CACNA1C: variants seen among roughly 807,000 people sequenced by gnomAD.
The protein encoded by CACNA1C is calcium voltage-gated channel subunit alpha1 C.
In CACNA1C, 30 loss-of-function variants were observed where a neutral mutation model predicts 229.0. The observed-to-expected ratio is 0.13, with a 90% CI of 0.10 to 0.18. The LOEUF is 0.18. Among genes scored for constraint, CACNA1C ranks in the 10% least tolerant of loss-of-function variants. The pLI is 1.00. For missense variants in CACNA1C, 1,658 were observed against 2,845.0 expected, an observed-to-expected ratio of 0.58 and a Z score of 9.49; for synonymous variants, 1,114 against 1,132.5, an observed-to-expected ratio of 0.98 and a Z score of 0.33.
chr12:2,525,208 G>A lies in CACNA1C; in HGVS notation c.1390+12224G>A, dbSNP rs184954952. Among the ~76,000 whole-genome samples, 152 of 152,218 alleles carry A rather than the reference G, an allele frequency of 1.0e-3. 1 individual carries two copies. The highest frequency in any genetic ancestry group is 2.1e-4 in the Non-Finnish European group (14 of 68,010). On this transcript the variant is annotated intron_variant, in intron 9 of 46. Transcript: ENST00000399655. Reference sequence around the variant, plus strand: ...GATGACAAGGTACCAGTTTACCATCGAAAGGTCACTGTGCAGCCGAGTGTG... The same window carrying A: ...GATGACAAGGTACCAGTTTACCATCAAAAGGTCACTGTGCAGCCGAGTGTG...
rs1320412731 is a variant in CACNA1C at position 2,354,448 on chromosome 12, G to A, written c.478-94528G>A. On this transcript the variant is annotated intron_variant, in intron 3 of 46. Transcript: ENST00000399655. This position sits in a 1 kb window ranked among gnomAD's most constrained non-coding sequence, Gnocchi z 4.6. ...AGGGCTGCAGCTATGACTGCAGCCT[G>A]TAGGGAAACGCCGGGAGGAACAGGA... Among the ~76,000 whole-genome samples the A allele has an allele frequency of 6.6e-6, 1 of 152,210 alleles. No individual in the cohort carries two copies. The highest frequency in any genetic ancestry group is 1.5e-5 in the Non-Finnish European group (1 of 68,040).
intron 1 of CACNA1C, among the ~76,000 whole-genome samples, chr12:1,979,737 C>G (rs2035567355): frequency 6.6e-6 from 1 of 152,226 alleles, no homozygotes; most frequent in African/African-American, 2.4e-5. Flanking sequence ...CTTTCACAAG[C>G]AATGTATCAA....
intron 1 of CACNA1C, among the ~76,000 whole-genome samples, chr12:2,088,052 G>A (rs553610858): frequency 9.2e-5 from 14 of 152,324 alleles, no homozygotes; most frequent in African/African-American, 3.4e-4. Flanking sequence ...TCTATTAAGT[G>A]GGAATGGGAA....
chr12:2,096,170 C>A (rs920945616), intron 1 of CACNA1C, among the ~76,000 whole-genome samples: 1 of 152,152 alleles, frequency 6.6e-6, no homozygotes, highest in Non-Finnish European at 1.5e-5. Context: ...AGGTCCGATG[C>A]CTGATTTTTA....
chr12:2,044,072 T>A (rs964805853), intron 1 of CACNA1C, among the ~76,000 whole-genome samples: 1 of 152,164 alleles, frequency 6.6e-6, no homozygotes, highest in Non-Finnish European at 1.5e-5. Flanking sequence ...AATAAAATAA[T>A]GGGGTTATAT....
At chr12:2,433,634 T>C (rs2099107837) in intron 3 of CACNA1C, among the ~76,000 whole-genome samples, 2 of 151,844 alleles carry the variant, frequency 1.3e-5, no homozygotes, top group South Asian at 4.2e-4. Flanking sequence ...AGATGTGCTC[T>C]AACTCTCTGA....
intron 30 of CACNA1C, among the ~76,000 whole-genome samples, chr12:2,636,037 C>T (rs2092603833): frequency 6.6e-6 from 1 of 152,226 alleles, no homozygotes; most frequent in African/African-American, 2.4e-5. Context: ...CCCACTCATA[C>T]ACATAAAGGC....
At chr12:2,252,609 G>A (rs1188583902) in intron 3 of CACNA1C, among the ~76,000 whole-genome samples, 2 of 152,208 alleles carry the variant, frequency 1.3e-5, no homozygotes. Context: ...TAAATGTCAA[G>A]GTTGCCTTTG....
intron 3 of CACNA1C, among the ~76,000 whole-genome samples, chr12:2,241,713 A>G (rs1327331820): frequency 6.6e-6 from 1 of 152,218 alleles, no homozygotes; most frequent in Non-Finnish European, 1.5e-5. Context: ...GCTCAGAAGC[A>G]GCTATCCTTA....
rs1375542148 is a variant in CACNA1C, at chr12:2,247,756, T to C, written c.477+127326T>C. Among the ~76,000 whole-genome samples, 3 of 152,256 alleles carry C rather than the reference T, an allele frequency of 2.0e-5. No individual in the cohort carries two copies. In the East Asian group the frequency reaches 5.8e-4, roughly 29 times the overall value. On this transcript the variant is annotated intron_variant, in intron 3 of 46. Coordinates refer to ENST00000399655, the MANE Select transcript of CACNA1C (RefSeq NM_000719.7). ...AAATTCTGGATTCTTGCCGAGCCTC[T>C]TTGTGCTTCCTCTTTTCATTCTCTG...
At chr12:2,099,956 C>T (rs1035869653) in intron 1 of CACNA1C, among the ~76,000 whole-genome samples, 6 of 152,174 alleles carry the variant, frequency 3.9e-5, no homozygotes, top group African/African-American at 1.4e-4. Flanking sequence ...AGCTGAGGCA[C>T]AGAGAGGCTA....
At chr12:2,296,743 T>C (rs2094081573) in intron 3 of CACNA1C, among the ~76,000 whole-genome samples, 1 of 152,214 alleles carries the variant, frequency 6.6e-6, no homozygotes, top group African/African-American at 2.4e-5. Flanking sequence ...AATTCCCCCG[T>C]TGGTCTGTGG....
rs763710155 is a variant in CACNA1C, at chr12:2,597,324, C to G, written c.2853+35C>G. 26 of 1,558,106 alleles carry G rather than the reference C, an allele frequency of 1.7e-5. No homozygotes were observed. Among genetic ancestry groups the G allele is most frequent in the Non-Finnish European group, 2.3e-5 (26 of 1,129,344 alleles). On this transcript the variant is annotated intron_variant, in intron 21 of 46. Transcript: ENST00000399655. This position sits in a 1 kb window ranked among gnomAD's most constrained non-coding sequence, Gnocchi z 4.3. Reference sequence around the variant, plus strand: ...CCATCCCCTTCTGCTCCTCCTGTCCCCCTTGTGCCAGCACCAGGTCTCTGC... The same window carrying G: ...CCATCCCCTTCTGCTCCTCCTGTCCGCCTTGTGCCAGCACCAGGTCTCTGC...
At chr12:1,980,043 A>G (rs1203601970) in intron 1 of CACNA1C, among the ~76,000 whole-genome samples, 2 of 152,238 alleles carry the variant, frequency 1.3e-5, no homozygotes, top group Non-Finnish European at 2.9e-5. Context: ...AAATAGGCAC[A>G]TAACTGTTCA....
chr12:2,529,336 T>A (rs757328730), intron 9 of CACNA1C, among the ~76,000 whole-genome samples: 3 of 152,234 alleles, frequency 2.0e-5, no homozygotes, highest in Non-Finnish European at 4.4e-5. Context: ...TTGTATGTGA[T>A]CTGTAGTGTC....
intron 29 of CACNA1C, among the ~76,000 whole-genome samples, chr12:2,627,153 C>T (rs942061319): frequency 6.6e-6 from 1 of 152,090 alleles, no homozygotes; most frequent in Non-Finnish European, 1.5e-5. Flanking sequence ...AGCTGTGCAG[C>T]GTGTGTCTTG....
chr12:2,411,176 C>T (rs2098803433), intron 3 of CACNA1C, among the ~76,000 whole-genome samples: 1 of 152,100 alleles, frequency 6.6e-6, no homozygotes, highest in Non-Finnish European at 1.5e-5. Flanking sequence ...TGTGGGGTAT[C>T]AGGAGCCTCA....
At chr12:1,994,692 A>C (rs771933580) in intron 1 of CACNA1C, among the ~76,000 whole-genome samples, 2 of 152,222 alleles carry the variant, frequency 1.3e-5, no homozygotes, top group Non-Finnish European at 2.9e-5. Context: ...TGATTTTTTA[A>C]ATGGGATTAA....
At chr12:2,443,574 CA>C (rs1327454717) in intron 3 of CACNA1C, among the ~76,000 whole-genome samples, 1 of 152,176 alleles carries the variant, frequency 6.6e-6, no homozygotes, top group Non-Finnish European at 1.5e-5. Context: ...TCCCGTTTCC[CA>C]AGATCACCAA....
Sources: gnomAD v4.1 joint callset for allele counts (sites outside exome capture counted in the v4.1 genomes callset) on GRCh38, gnomAD v4.1.1 for gene constraint, Gnocchi (gnomAD v3.1) non-coding constraint, MANE v1.5 for transcripts, NCBI Gene and HGNC (gene_info 2026-07-23, HGNC 2026-07-21) for gene names.